Variants in CSMD1 observed in about 807,000 individuals in gnomAD.
CSMD1 encodes CUB and sushi domain-containing protein 1.
Under a neutral mutation model 417.5 loss-of-function variants are expected in CSMD1, and 213 were observed. The observed-to-expected ratio is 0.51, with a 90% CI of 0.46 to 0.57. The LOEUF (loss-of-function observed/expected upper bound fraction) is 0.57, where lower values mean the gene tolerates loss of function less well. Among genes scored for constraint, CSMD1 ranks in the 20% least tolerant of loss-of-function variants. CSMD1 has a pLI of 0.00. For synonymous variants in CSMD1, 2,862 were observed against 1,736.8 expected (o/e 1.65, Z -16.11); for missense variants, 6,923 against 4,529.7 (o/e 1.53, Z -15.17).
chr8:4,783,961 C>T (rs751696145), intron 1 of CSMD1, among the ~76,000 whole-genome samples: 1 of 152,068 alleles, frequency 6.6e-6, no homozygotes, highest in Non-Finnish European at 1.5e-5. Context: ...TTAAAAGTTC[C>T]CACAGATTGG....
chr8:4,197,257 A>C (rs886881247), intron 3 of CSMD1, among the ~76,000 whole-genome samples: 1 of 152,228 alleles, frequency 6.6e-6, no homozygotes, highest in Non-Finnish European at 1.5e-5. Flanking sequence ...ATAACCAGAT[A>C]GATTTTCAAA....
chr8:4,793,435 T>G (rs991925735), intron 1 of CSMD1, among the ~76,000 whole-genome samples: 22 of 152,084 alleles, frequency 1.4e-4, no homozygotes, highest in Non-Finnish European at 4.4e-5. Flanking sequence ...CCCCAGCTCT[T>G]TATCACTTTC....
At chr8:3,793,757 T>A (rs1799881715) in intron 5 of CSMD1, among the ~76,000 whole-genome samples, 1 of 152,182 alleles carries the variant, frequency 6.6e-6, no homozygotes, top group South Asian at 2.1e-4. Context: ...TCTCTGGAAC[T>A]GGTAGGAACT....
intron 10 of CSMD1, among the ~76,000 whole-genome samples, chr8:3,543,444 T>G (rs1468252474): frequency 6.6e-6 from 1 of 151,946 alleles, no homozygotes; most frequent in Non-Finnish European, 1.5e-5. Flanking sequence ...AGAAATGAGT[T>G]AGGAGAGATT....
intron 5 of CSMD1, among the ~76,000 whole-genome samples, chr8:3,958,459 T>A (rs1812119151): frequency 6.6e-6 from 1 of 152,212 alleles, no homozygotes; most frequent in South Asian, 2.1e-4. Context: ...TGTTTTATTT[T>A]TAAAAATGAA....
At position 3,254,788 on chromosome 8, in the gene CSMD1, G is replaced by C. The variant is rs527730123; in HGVS notation, c.4154-24557C>G. Among the ~76,000 whole-genome samples, 9 of 152,022 alleles carry C rather than the reference G, an allele frequency of 5.9e-5. No homozygotes were observed. In the East Asian group the frequency reaches 1.6e-3, roughly 26 times the overall value. On this transcript the variant is annotated intron_variant, in intron 26 of 69. Transcript: ENST00000635120. ...GCCATTCATGTAATTTTTTTTCAAG[G>C]TTTTTAACTTCTTTGCCATGGGTTC...
At chr8:3,250,884 C>T (rs60409078) in intron 26 of CSMD1, among the ~76,000 whole-genome samples, 1 of 152,056 alleles carries the variant, frequency 6.6e-6, no homozygotes, top group Non-Finnish European at 1.5e-5. Flanking sequence ...TCTGTTCATA[C>T]CCCTCACCCA....
chr8:3,561,868 G>C (rs561298001), intron 10 of CSMD1, among the ~76,000 whole-genome samples: 6 of 152,304 alleles, frequency 3.9e-5, no homozygotes, highest in Admixed American at 3.3e-4. Flanking sequence ...CAGGAAGGCA[G>C]GGGCTAGCAT....
intron 7 of CSMD1, among the ~76,000 whole-genome samples, chr8:3,657,818 C>A (rs1563242132): frequency 6.6e-6 from 1 of 152,140 alleles, no homozygotes; most frequent in Non-Finnish European, 1.5e-5. Context: ...ACATTCTGCA[C>A]ATGTACCCCA....
chr8:4,423,787 G>A (rs773745532), intron 2 of CSMD1, among the ~76,000 whole-genome samples: 1 of 151,906 alleles, frequency 6.6e-6, no homozygotes, highest in Non-Finnish European at 1.5e-5. Context: ...TAAAGCAGGA[G>A]AAACAGTTCA....
At chr8:3,843,715 G>A (rs993929270) in intron 5 of CSMD1, among the ~76,000 whole-genome samples, 1 of 152,176 alleles carries the variant, frequency 6.6e-6, no homozygotes, top group Non-Finnish European at 1.5e-5. Flanking sequence ...CCTAGTTTGA[G>A]CACTGAAAGG....
At chr8:3,382,608 T>C (rs1323793946) in intron 18 of CSMD1, among the ~76,000 whole-genome samples, 3 of 125,682 alleles carry the variant, frequency 2.4e-5, no homozygotes, top group Non-Finnish European at 5.3e-5. Context: ...ATATAATATA[T>C]AATAATAAAT....
chr8:3,684,677 T>A (rs1799855060), intron 7 of CSMD1, among the ~76,000 whole-genome samples: 1 of 149,982 alleles, frequency 6.7e-6, no homozygotes, highest in Non-Finnish European at 1.5e-5. Context: ...CGCTCACTGC[T>A]AGCTCCGCCT....
chr8:4,235,846 G>C (rs1011928400), intron 3 of CSMD1, among the ~76,000 whole-genome samples: 7 of 152,098 alleles, frequency 4.6e-5, no homozygotes, highest in African/African-American at 1.7e-4. Context: ...GAGACATCCT[G>C]CCATCCTTTG....
chr8:4,485,010 A>G lies in CSMD1; in HGVS notation c.303-64945T>C, dbSNP rs987521319. Among the ~76,000 whole-genome samples, 76 of 124,866 alleles carry G rather than the reference A, an allele frequency of 6.1e-4. 1 individual carries two copies. In the East Asian group the frequency reaches 0.014, roughly 24 times the overall value. 81.9% of individuals were successfully genotyped at this position (124,866 alleles called of 152,430 possible). A position where few individuals can be genotyped will look rare whatever the true frequency, so the allele number is the denominator to read the frequency against. ...AAAAAAAAAAAAAAAAAAAAAAAAA[A>G]AAAAAAAAAAGAAAGAGTCACTATG... is the stretch of plus-strand genomic sequence containing the variant. On this transcript the variant is annotated intron_variant, in intron 2 of 69. Coordinates refer to ENST00000635120, the MANE Select transcript of CSMD1 (RefSeq NM_033225.6).
At position 3,448,379 on chromosome 8, in the gene CSMD1, GGGAGGAGGGAGGAGGAAGGGAA is replaced by G. The variant is rs1815458641; in HGVS notation, c.1561+20311_1561+20332del. On this transcript the variant is annotated intron_variant, in intron 12 of 69. Transcript: ENST00000635120. Reference sequence around the variant, plus strand: ...AGAAGGAAGAAGGGAGGAAGGGAGGGGGAGGAGGGAGGAGGAAGGGAAGGAAGGAAGGAAGGAAGGGAAGGAA... The same window carrying G: ...AGAAGGAAGAAGGGAGGAAGGGAGGGGGAAGGAAGGAAGGAAGGGAAGGAA... Among the ~76,000 whole-genome samples, 20 of 42,968 alleles carry G rather than the reference GGGAGGAGGGAGGAGGAAGGGAA, an allele frequency of 4.7e-4. 2 individuals carry two copies. The highest frequency in any genetic ancestry group is 9.1e-4 in the Admixed American group (5 of 5,492). The allele number at this position is 42,968 out of a possible 152,430, so 28.2% of individuals were successfully genotyped here.
chr8:4,802,685 T>A (rs924823020), intron 1 of CSMD1, among the ~76,000 whole-genome samples: 3 of 152,176 alleles, frequency 2.0e-5, no homozygotes, highest in Non-Finnish European at 4.4e-5. Flanking sequence ...ATTAATACTG[T>A]GAAAGGCTTT....
At chr8:3,017,254 G>C (rs930096137) in intron 52 of CSMD1, among the ~76,000 whole-genome samples, 2 of 152,204 alleles carry the variant, frequency 1.3e-5, no homozygotes, top group African/African-American at 4.8e-5. Flanking sequence ...GCTCCAGGCA[G>C]AAGAGCTTGT....
At chr8:3,121,743 G>C (rs190896823) in intron 41 of CSMD1, among the ~76,000 whole-genome samples, 1 of 152,106 alleles carries the variant, frequency 6.6e-6, no homozygotes, top group Admixed American at 6.5e-5. Flanking sequence ...ATGCTGCAGT[G>C]AGCTATGATC....
Sources: gnomAD v4.1 joint callset for allele counts (sites outside exome capture counted in the v4.1 genomes callset) on GRCh38, gnomAD v4.1.1 for gene constraint, MANE v1.5 for transcripts, NCBI Gene and HGNC (gene_info 2026-07-23, HGNC 2026-07-21) for gene names.